The following CDH24 variants were observed in gnomAD, a reference collection of about 807,000 sequenced individuals.
CDH24 encodes cadherin 24.
In CDH24, 61 loss-of-function variants were observed where a neutral mutation model predicts 71.2. That is an observed-to-expected ratio of 0.86 (90% CI 0.70 to 1.06). The LOEUF (loss-of-function observed/expected upper bound fraction) is 1.06, where lower values mean the gene tolerates loss of function less well. Ranked by LOEUF, CDH24 falls within the 50% of genes least tolerant of loss-of-function variation. The probability of loss-of-function intolerance (pLI) is 0.00; values close to 1 mark genes in which losing one functional copy is unlikely to be tolerated. For missense variants in CDH24, 961 were observed against 1,083.7 expected (o/e 0.89, Z 1.59); for synonymous variants, 440 against 470.2 (o/e 0.94, Z 0.83).
Position 23,048,463 on chromosome 14 carries a change from G to A in CDH24, c.1863C>T (p.Phe621=), listed in dbSNP as rs777087751. ...VGALLALVVL[F]VALRRQKQEA... is the part of the protein sequence containing the mutation. ...CTTGCTTCTGCCGCCGCAGGGCCAC[G>A]AAGAGCACCACCAGGGCTGCGCGAG... is the stretch of plus-strand genomic sequence containing the variant. The change falls in exon 12 of 13, where the codon TTC becomes TTT. Residue 621 remains phenylalanine (F), a synonymous_variant. Coordinates refer to ENST00000487137, the MANE Select transcript of CDH24 (RefSeq NM_144985.4). 48 of 1,608,278 alleles carry A rather than the reference G, an allele frequency of 3.0e-5. No individual in the cohort carries two copies. The highest frequency in any genetic ancestry group is 3.7e-5 in the Non-Finnish European group (44 of 1,179,440).
chr14:23,048,579 G>A, intron 11 of CDH24, 100 bp from the exon 12 acceptor site: 1 of 1,196,168 alleles, frequency 8.4e-7, no homozygotes, highest in Admixed American at 2.1e-5. Flanking sequence ...CAGAAGCCCT[G>A]TGCTTAGGGG....
Position 23,055,415 on chromosome 14 carries a change from A to C in CDH24, c.202-62T>G. 6.3e-7 allele frequency: 1 copy of C among 1,586,588 alleles called. No homozygotes were observed. The highest frequency in any genetic ancestry group is 8.6e-7 in the Non-Finnish European group (1 of 1,162,724). ...GTACAGAGACAGGGTTAAAGAGTCTAGGTTTGGGTAGAGCGTTGGGAGTCC... is the reference window on the plus strand; with the variant it reads ...GTACAGAGACAGGGTTAAAGAGTCTCGGTTTGGGTAGAGCGTTGGGAGTCC... On this transcript the variant is annotated intron_variant, in intron 2 of 12. Coordinates refer to ENST00000487137, the MANE Select transcript of CDH24 (RefSeq NM_144985.4). The surrounding 1 kb of genome is among the most constrained non-coding windows in gnomAD (Gnocchi z 4.1).
In CDH24 at chr14:23,054,930, G is replaced by C. The variant is rs556707545; in HGVS notation, c.497-64C>G. ...GAAGGATGGGGAAGAACAACCGATG[G>C]GGGGGGATGCAGATACGAGGGAGGC... On this transcript the variant is annotated intron_variant, in intron 3 of 12. Coordinates refer to ENST00000487137, the MANE Select transcript of CDH24 (RefSeq NM_144985.4). This position sits in a 1 kb window ranked among gnomAD's most constrained non-coding sequence, Gnocchi z 5.2. The C allele has an allele frequency of 8.4e-4, 1,340 of 1,604,028 alleles. 15 individuals carry two copies. The African/African-American group carries it at 0.012, about 14-fold the overall frequency.
chr14:23,049,544 G>A (rs1287962231), intron 10 of CDH24, 83 bp downstream of exon 10: 4 of 863,268 alleles, frequency 4.6e-6, no homozygotes, highest in Non-Finnish European at 7.4e-6. Flanking sequence ...GTGGGGCAGG[G>A]GTCAGGCAGG....
Position 23,055,314 on chromosome 14 carries a change from A to G in CDH24, c.241T>C (p.Tyr81His), listed in dbSNP as rs1385147777. The G allele has an allele frequency of 6.2e-7, 1 of 1,610,938 alleles. No homozygotes were observed. The highest frequency in any genetic ancestry group is 8.5e-7 in the Non-Finnish European group (1 of 1,177,352). The change falls in exon 3 of 13, where the codon TAC becomes CAC. Residue 81 changes from tyrosine to histidine, a missense_variant. Physicochemically the swap from Tyr to His is moderately conservative, Grantham distance 83. Transcript: ENST00000487137. This position sits in a 1 kb window ranked among gnomAD's most constrained non-coding sequence, Gnocchi z 4.1. Reference sequence around the variant, plus strand: ...CCTGCCCCCTCCCCGGTCAACAGGTACTTGGTGCGGCCCTCTCCCCGGTCA... The same window carrying G: ...CCTGCCCCCTCCCCGGTCAACAGGTGCTTGGTGCGGCCCTCTCCCCGGTCA... ...DVDRGEGRTK[Y>H]LLTGEGAGTV...
Position 23,055,547 on chromosome 14 carries a change from C to T in CDH24, c.187G>A (p.Val63Ile). The T allele has an allele frequency of 6.2e-7, 1 of 1,613,962 alleles. No individual in the cohort carries two copies. Among genetic ancestry groups the T allele is most frequent in the Non-Finnish European group, 8.5e-7 (1 of 1,180,004 alleles). ...VIEEYAGPEP[V>I]LIGKLHSDVD... Reference sequence around the variant, plus strand: ...GTCATCCTTACCTTGCCAATGAGAACAGGCTCTGGACCAGCATATTCCTCA... The same window carrying T: ...GTCATCCTTACCTTGCCAATGAGAATAGGCTCTGGACCAGCATATTCCTCA... The change falls in exon 2 of 13, where the codon GTT becomes ATT. Residue 63 changes from valine (V) to isoleucine (I), a missense_variant. Val to Ile is a conservative substitution (Grantham distance 29). Coordinates refer to ENST00000487137, the MANE Select transcript of CDH24 (RefSeq NM_144985.4). This position sits in a 1 kb window ranked among gnomAD's most constrained non-coding sequence, Gnocchi z 4.1.
chr14:23,053,147 T>C (rs1407385304), intron 7 of CDH24, among the ~76,000 whole-genome samples: 5 of 152,154 alleles, frequency 3.3e-5, no homozygotes, highest in African/African-American at 4.8e-5. Flanking sequence ...ACCTACTTCA[T>C]AGGGCTGTTG....
At chr14:23,050,018 GC>G in intron 8 of CDH24, 75 bp from the exon 9 acceptor site, 1 of 1,563,258 alleles carries the variant, frequency 6.4e-7, no homozygotes. Flanking sequence ...TGGTGCATGG[GC>G]ATGGATGCCA....
Position 23,054,577 on chromosome 14 carries a change from C to T in CDH24, c.713G>A (p.Gly238Glu), listed in dbSNP as rs958293206. Residue 238 changes from glycine to glutamate, a missense_variant, in exon 5 of 13, where the codon GGG (glycine) becomes GAG (glutamate). Physicochemically the swap from Gly to Glu is moderately conservative, Grantham distance 98. Coordinates refer to ENST00000487137, the MANE Select transcript of CDH24 (RefSeq NM_144985.4). This position sits in a 1 kb window ranked among gnomAD's most constrained non-coding sequence, Gnocchi z 5.2. ...QAKDMGGHMG[G>E]LSGSTTVTVT... ...AGTCACCGTAGTGCTGCCTGACAGC[C>T]CCCCCATGTGGCCGCCCATGTCCTT... 10 of 1,613,966 alleles carry T rather than the reference C, an allele frequency of 6.2e-6. No individual in the cohort carries two copies. Among genetic ancestry groups the T allele is most frequent in the Non-Finnish European group, 7.6e-6 (9 of 1,180,008 alleles).
At position 23,055,455 on chromosome 14, in the gene CDH24, C is replaced by A. The variant is rs557742986; in HGVS notation, c.201+78G>T. 10 of 1,589,100 alleles carry A rather than the reference C, an allele frequency of 6.3e-6. No individual in the cohort carries two copies. The Admixed American group carries it at 1.7e-4, about 27-fold the overall frequency. On this transcript the variant is annotated intron_variant, in intron 2 of 12. Coordinates refer to ENST00000487137, the MANE Select transcript of CDH24 (RefSeq NM_144985.4). The surrounding 1 kb of genome is among the most constrained non-coding windows in gnomAD (Gnocchi z 4.1). ...GTTGGGAGTCCTGAGGGACCAAGGT[C>A]ATTGCAGAAGTGATGAAGTTGCAGG...
intron 6 of CDH24, 77 bp from the exon 7 acceptor site, chr14:23,053,826 G>C: frequency 7.1e-7 from 1 of 1,409,572 alleles, no homozygotes; most frequent in Non-Finnish European, 9.6e-7. Context: ...AAGGTGACAA[G>C]TCCCCTCCTC....
intron 11 of CDH24, 77 bp from the exon 12 acceptor site, chr14:23,048,556 A>AC (rs2047061037): frequency 4.8e-6 from 7 of 1,465,978 alleles, no homozygotes; most frequent in Non-Finnish European, 6.5e-6. Flanking sequence ...TGAAAGGCTG[A>AC]CCCATCAGGT....
At position 23,053,712 on chromosome 14, in the gene CDH24, C is replaced by T. The variant is rs370840001; in HGVS notation, c.1010G>A (p.Arg337His). The T allele has an allele frequency of 5.1e-5, 83 of 1,612,586 alleles. 1 individual carries two copies. The highest frequency in any genetic ancestry group is 2.7e-4 in the South Asian group (25 of 91,050). Residue 337 changes from arginine (R) to histidine (H), a missense_variant, in exon 7 of 13, where the codon CGT becomes CAT. Physicochemically the swap from Arg to His is conservative, Grantham distance 29. Around this residue, in one of 2 missense-constraint regions of CDH24, gnomAD observed 671 missense variants for 810.9 expected, o/e 0.83. Transcript: ENST00000487137. ...AATGAGCGTGTTGGTGGCCTCGACA[C>T]GGAAGGAGTAGGAGCGCTGGCTCTC... ...DFESQRSYSF[R>H]VEATNTLIDP...
At chr14:23,052,070 C>T (rs759202504) in intron 8 of CDH24, 1 of 1,557,208 alleles carries the variant, frequency 6.4e-7, no homozygotes. Flanking sequence ...CCCTTTCTGG[C>T]CCCCAGCTCC....
At chr14:23,048,607 T>C in intron 11 of CDH24, 128 bp from the exon 12 acceptor site, 1 of 884,298 alleles carries the variant, frequency 1.1e-6, no homozygotes, top group Non-Finnish European at 1.7e-6. Context: ...CTAGCAAACC[T>C]TGCATTGAAT....
In CDH24 at chr14:23,054,337, G is replaced by T; in HGVS notation, c.785-9C>A. The stretch of plus-strand genomic sequence containing the variant: ...GGAGAACTGGTATAGGCCTTGGGAT[G>T]ACAGAGGGGAGACACCTTCTCAGAG... On this transcript the variant is annotated splice_polypyrimidine_tract_variant and intron_variant, in intron 5 of 12. Transcript: ENST00000487137. The surrounding 1 kb of genome is among the most constrained non-coding windows in gnomAD (Gnocchi z 5.2). The T allele has an allele frequency of 6.4e-7, 1 of 1,570,996 alleles. No individual in the cohort carries two copies. The highest frequency in any genetic ancestry group is 1.2e-5 in the South Asian group (1 of 85,934).
Position 23,055,945 on chromosome 14 carries a change from A to C in CDH24, c.-124-88T>G, listed in dbSNP as rs976141273. 7 of 561,106 alleles carry C rather than the reference A, an allele frequency of 1.2e-5. No homozygotes were observed. Among genetic ancestry groups the C allele is most frequent in the Non-Finnish European group, 1.9e-5 (6 of 314,650 alleles). The allele number at this position is 561,106 out of a possible 1,614,324, so 34.8% of individuals were successfully genotyped here. A position where few individuals can be genotyped will look rare whatever the true frequency, so the allele number is the denominator to read the frequency against. Reference sequence around the variant, plus strand: ...GATGCTGAAGACCAGACCTCCAAGGAACCAGACACTCCACTGCCCAGAACT... The same window carrying C: ...GATGCTGAAGACCAGACCTCCAAGGCACCAGACACTCCACTGCCCAGAACT... On this transcript the variant is annotated intron_variant, in intron 1 of 12. Transcript: ENST00000487137. The surrounding 1 kb of genome is among the most constrained non-coding windows in gnomAD (Gnocchi z 4.1).
chr14:23,055,791 CCACGTGG>C lies in CDH24; in HGVS notation c.-65_-59del, dbSNP rs902561412. On this transcript the variant is annotated 5_prime_UTR_variant, in exon 2 of 13. It removes the in-frame stop codon of an upstream open reading frame in the 5' UTR. Transcript: ENST00000487137. The surrounding 1 kb of genome is among the most constrained non-coding windows in gnomAD (Gnocchi z 4.1). ...CCCTGGGTGCTGAGGCTGGGCCAGGCCACGTGGCCCATGAGCTGGCTGGGGTGGAGGG... is the reference window on the plus strand; with the variant it reads ...CCCTGGGTGCTGAGGCTGGGCCAGGCCCCATGAGCTGGCTGGGGTGGAGGG... 27 of 1,408,752 alleles carry C rather than the reference CCACGTGG, an allele frequency of 1.9e-5. No individual in the cohort carries two copies. The African/African-American group carries it at 3.6e-4, about 19-fold the overall frequency. 87.3% of individuals were successfully genotyped at this position (1,408,752 alleles called of 1,614,324 possible). A position where few individuals can be genotyped will look rare whatever the true frequency, so the allele number is the denominator to read the frequency against.
chr14:23,048,918 G>A, intron 11 of CDH24, 109 bp downstream of exon 11: 1 of 1,301,698 alleles, frequency 7.7e-7, no homozygotes, highest in Non-Finnish European at 1.1e-6. Flanking sequence ...CCAGGTATGA[G>A]GGTCGTTCAA....
Sources: allele counts gnomAD v4.1 joint callset (sites outside exome capture counted in the v4.1 genomes callset), GRCh38; gene constraint gnomAD v4.1.1; regional missense constraint gnomAD v4.1.1; non-coding constraint Gnocchi (gnomAD v3.1); transcripts MANE v1.5; gene names NCBI Gene and HGNC (gene_info 2026-07-23, HGNC 2026-07-21).